The following CNTN5 variants were observed in gnomAD, a reference collection of about 807,000 sequenced individuals.
The protein encoded by CNTN5 is contactin 5, also known as contactin-5.
A neutral mutation model predicts 129.1 loss-of-function variants in CNTN5; 77 were observed. The ratio of observed to expected loss-of-function variants is 0.60; its 90% CI spans 0.50 to 0.72. The LOEUF (loss-of-function observed/expected upper bound fraction) is 0.72, where lower values mean the gene tolerates loss of function less well. Among genes scored for constraint, CNTN5 ranks in the 30% least tolerant of loss-of-function variants. The pLI, the probability that CNTN5 is intolerant of heterozygous loss-of-function variation, is 0.00. For missense variants in CNTN5, 1,478 were observed against 1,328.8 expected, an observed-to-expected ratio of 1.11 and a Z score of -1.75; for synonymous variants, 509 against 465.6, an observed-to-expected ratio of 1.09 and a Z score of -1.20.
chr11:99,983,480 G>A (rs1423755689), intron 8 of CNTN5, among the ~76,000 whole-genome samples: 1 of 152,170 alleles, frequency 6.6e-6, no homozygotes, highest in Non-Finnish European at 1.5e-5. Context: ...ACATTATTGA[G>A]TAGACAGAGT....
intron 6 of CNTN5, among the ~76,000 whole-genome samples, chr11:99,872,615 T>A (rs371988523): frequency 1.3e-5 from 2 of 152,098 alleles, no homozygotes; most frequent in African/African-American, 2.4e-5. Flanking sequence ...CAGGAGACTT[T>A]GTTTGCAAGA....
intron 6 of CNTN5, among the ~76,000 whole-genome samples, chr11:99,896,438 C>T (rs556452266): frequency 6.6e-6 from 1 of 152,224 alleles, no homozygotes; most frequent in South Asian, 2.1e-4. Context: ...CTTTCATGTA[C>T]CTCCAGCATG....
At chr11:99,837,537 T>C (rs1315636066) in intron 4 of CNTN5, among the ~76,000 whole-genome samples, 1 of 152,064 alleles carries the variant, frequency 6.6e-6, no homozygotes, top group Non-Finnish European at 1.5e-5. Flanking sequence ...TTTTTGTATC[T>C]AGTCCTGTAT....
intron 3 of CNTN5, among the ~76,000 whole-genome samples, chr11:99,720,884 AG>A (rs1215873254): frequency 1.3e-5 from 2 of 152,154 alleles, no homozygotes; most frequent in East Asian, 3.8e-4. Flanking sequence ...ATATCAGAGA[AG>A]CAATCCCATT....
chr11:99,623,968 A>C (rs914638727), intron 3 of CNTN5, among the ~76,000 whole-genome samples: 1 of 152,110 alleles, frequency 6.6e-6, no homozygotes, highest in African/African-American at 2.4e-5. Context: ...TGAGAAGTTG[A>C]TATTCTGTCT....
intron 1 of CNTN5, among the ~76,000 whole-genome samples, chr11:99,171,169 C>T (rs17133195): frequency 0.24 from 35,731 of 151,802 alleles, 4,588 homozygotes; most frequent in East Asian, 0.4. Context: ...GTACTTTATA[C>T]TTGAATGCTT....
At chr11:99,353,482 C>G (rs12290237) in intron 2 of CNTN5, among the ~76,000 whole-genome samples, 15,908 of 152,212 alleles carry the variant, frequency 0.1, 1,020 homozygotes, top group African/African-American at 0.18. Context: ...ATATGTTTCA[C>G]TGTACCCTGC....
At chr11:99,668,040 G>A (rs1952871146) in intron 3 of CNTN5, among the ~76,000 whole-genome samples, 1 of 152,064 alleles carries the variant, frequency 6.6e-6, no homozygotes, top group African/African-American at 2.4e-5. Flanking sequence ...CAGTATGATA[G>A]CAACAACAGA....
chr11:99,565,842 C>T (rs1004127723), intron 3 of CNTN5, among the ~76,000 whole-genome samples: 1 of 152,086 alleles, frequency 6.6e-6, no homozygotes, highest in Admixed American at 6.6e-5. Flanking sequence ...TTTCAGCCAA[C>T]CTTCAGAGGG....
chr11:100,142,666 T>C, intron 13 of CNTN5, among the ~76,000 whole-genome samples: 1 of 152,156 alleles, frequency 6.6e-6, no homozygotes. Context: ...TTGCTGTTGC[T>C]GTTGTTAACA....
chr11:99,555,617 A>G (rs1948638071), intron 2 of CNTN5, among the ~76,000 whole-genome samples: 1 of 151,966 alleles, frequency 6.6e-6, no homozygotes, highest in Admixed American at 6.6e-5. Context: ...ATAACACAGT[A>G]CAGATAATCA....
chr11:100,270,437 A>T (rs1950388305), intron 17 of CNTN5, among the ~76,000 whole-genome samples: 1 of 152,226 alleles, frequency 6.6e-6, no homozygotes, highest in Non-Finnish European at 1.5e-5. Context: ...AAATGTTTAG[A>T]AACATTTCCT....
At chr11:99,718,512 A>G (rs1308430105) in intron 3 of CNTN5, among the ~76,000 whole-genome samples, 1 of 152,154 alleles carries the variant, frequency 6.6e-6, no homozygotes, top group East Asian at 1.9e-4. Flanking sequence ...AACTTGAAAA[A>G]GACACTTGGG....
At chr11:99,206,465 A>G (rs1859489000) in intron 1 of CNTN5, among the ~76,000 whole-genome samples, 1 of 152,116 alleles carries the variant, frequency 6.6e-6, no homozygotes, top group South Asian at 2.1e-4. Flanking sequence ...TCTGGTGTTA[A>G]AAACTGGGCA....
intron 1 of CNTN5, among the ~76,000 whole-genome samples, chr11:99,127,760 C>G (rs878996507): frequency 6.6e-6 from 1 of 152,158 alleles, no homozygotes; most frequent in African/African-American, 2.4e-5. Context: ...ATATGCCATT[C>G]CCCTTACAAA....
chr11:99,537,006 T>G (rs1947927308), intron 2 of CNTN5, among the ~76,000 whole-genome samples: 1 of 152,170 alleles, frequency 6.6e-6, no homozygotes, highest in Admixed American at 6.6e-5. Context: ...CATATATATT[T>G]GACACTTCCA....
chr11:99,284,080 C>G (rs996523881), intron 1 of CNTN5, among the ~76,000 whole-genome samples: 8 of 152,046 alleles, frequency 5.3e-5, no homozygotes, highest in Non-Finnish European at 1.0e-4. Flanking sequence ...TATACACATT[C>G]CAAGATTTAA....
intron 15 of CNTN5, 98 bp downstream of exon 15, chr11:100,193,761 A>G: frequency 3.2e-6 from 3 of 934,110 alleles, no homozygotes; most frequent in Non-Finnish European, 4.8e-6. Context: ...AAGAAAAAAA[A>G]AAACAGAACA....
intron 13 of CNTN5, among the ~76,000 whole-genome samples, chr11:100,177,581 G>A (rs1261745880): frequency 6.6e-6 from 1 of 152,100 alleles, no homozygotes; most frequent in Non-Finnish European, 1.5e-5. Context: ...ATTCCCATTA[G>A]TTCCCATTTT....
Sources: gnomAD v4.1 joint callset for allele counts (sites outside exome capture counted in the v4.1 genomes callset) on GRCh38, gnomAD v4.1.1 for gene constraint, MANE v1.5 for transcripts, NCBI Gene and HGNC (gene_info 2026-07-23, HGNC 2026-07-21) for gene names.